The following RABGEF1 variants were observed in gnomAD, a reference collection of about 807,000 sequenced individuals.
The protein encoded by RABGEF1 is RAB guanine nucleotide exchange factor 1, also known as rab5 GDP/GTP exchange factor.
A neutral mutation model predicts 57.3 loss-of-function variants in RABGEF1; 26 were observed. That is an observed-to-expected ratio of 0.45 (90% CI 0.33 to 0.63). The LOEUF (loss-of-function observed/expected upper bound fraction) is 0.63, where lower values mean the gene tolerates loss of function less well. RABGEF1 is among the 20% of genes least tolerant of loss of function. RABGEF1 has a pLI of 0.02. For missense variants in RABGEF1, 464 were observed against 607.6 expected, an observed-to-expected ratio of 0.76 and a Z score of 2.48; for synonymous variants, 185 against 210.7, an observed-to-expected ratio of 0.88 and a Z score of 1.06.
chr7:66,725,855 T>A lies in RABGEF1; in HGVS notation c.-815+13631T>A, dbSNP rs1796523808. ...AGTTACACCCATGCTTTGGAAAGTC[T>A]AATCTGAGGGGGACGTGGACCCTTC... On this transcript the variant is annotated intron_variant and NMD_transcript_variant, in intron 2 of 9. Transcript: ENST00000607882. Among the ~76,000 whole-genome samples the A allele has an allele frequency of 2.6e-5, 4 of 152,182 alleles. No individual in the cohort carries two copies. The South Asian group carries it at 8.3e-4, about 31-fold the overall frequency.
At chr7:66,657,606 A>G in the RABGEF1 span, among the ~76,000 whole-genome samples, 1 of 152,338 alleles carries the variant, frequency 6.6e-6, no homozygotes, top group African/African-American at 2.4e-5. Context: ...GGATCCCCTG[A>G]GGTCAGGAGT....
At chr7:66,785,763 A>G (rs980245775) in intron 4 of RABGEF1, among the ~76,000 whole-genome samples, 11 of 152,122 alleles carry the variant, frequency 7.2e-5, no homozygotes, top group African/African-American at 2.4e-4. Context: ...AGTCCCAGCT[A>G]CTTGGGAGGC....
At chr7:66,665,831 C>T in the RABGEF1 span, among the ~76,000 whole-genome samples, 1 of 152,122 alleles carries the variant, frequency 6.6e-6, no homozygotes, top group Non-Finnish European at 1.5e-5. Flanking sequence ...GGTTCAGACA[C>T]GGTCTCAGTT....
intron 3 of RABGEF1, among the ~76,000 whole-genome samples, chr7:66,775,964 G>A (rs1276834677): frequency 1.3e-5 from 2 of 152,190 alleles, no homozygotes; most frequent in African/African-American, 4.8e-5. Flanking sequence ...TATTCACCCT[G>A]CTTTTTAAAA....
intron 1 of RABGEF1, among the ~76,000 whole-genome samples, chr7:66,764,290 G>A (rs772707737): frequency 2.6e-5 from 4 of 152,082 alleles, no homozygotes; most frequent in Non-Finnish European, 4.4e-5. Flanking sequence ...TGTCCATTCA[G>A]ATCTTTTACC....
intron 1 of RABGEF1, among the ~76,000 whole-genome samples, chr7:66,744,397 A>C (rs1335232838): frequency 6.6e-6 from 1 of 151,348 alleles, no homozygotes; most frequent in Non-Finnish European, 1.5e-5. Context: ...AGCCGGGCGC[A>C]GTGGCTCACG....
chr7:66,778,399 TA>T (rs1328017187), intron 3 of RABGEF1, among the ~76,000 whole-genome samples: 1 of 152,212 alleles, frequency 6.6e-6, no homozygotes, highest in African/African-American at 2.4e-5. Flanking sequence ...AAGACTCAGT[TA>T]AAGTGTTTTA....
intron 2 of RABGEF1, among the ~76,000 whole-genome samples, chr7:66,721,439 G>A (rs2117517843): frequency 6.6e-6 from 1 of 152,258 alleles, no homozygotes; most frequent in Non-Finnish European, 1.5e-5. Context: ...TGGGGGAGAT[G>A]CTTGCCTTTT....
chr7:66,729,359 A>C (rs1797036053), intron 2 of RABGEF1, among the ~76,000 whole-genome samples: 2 of 2,014 alleles, frequency 9.9e-4, no homozygotes, highest in Non-Finnish European at 1.1e-3. Context: ...CCTCACTTCA[A>C]TCTTCCCTTC....
intron 2 of RABGEF1, among the ~76,000 whole-genome samples, chr7:66,717,191 T>C (rs1416459589): frequency 2.0e-5 from 3 of 152,354 alleles, no homozygotes; most frequent in South Asian, 2.1e-4. Context: ...TATATCTCTT[T>C]GTGTAGTGTT....
At chr7:66,712,325 T>C (rs932170596) in intron 2 of RABGEF1, 6 of 152,254 alleles carry the variant, frequency 3.9e-5, no homozygotes, top group Admixed American at 3.3e-4. Context: ...TTTATACCTA[T>C]GTACTTCGTT....
chr7:66,758,230 G>T (rs1379428769), intron 1 of RABGEF1, among the ~76,000 whole-genome samples: 5 of 152,152 alleles, frequency 3.3e-5, no homozygotes, highest in Admixed American at 6.5e-5. Flanking sequence ...TTTCTGAGAC[G>T]AAACTGGTTT....
At chr7:66,715,138 C>G (rs980085225) in intron 2 of RABGEF1, among the ~76,000 whole-genome samples, 1 of 151,732 alleles carries the variant, frequency 6.6e-6, no homozygotes, top group Non-Finnish European at 1.5e-5. Flanking sequence ...CTTCTTTCTT[C>G]TTCTCCTGAG....
At chr7:66,678,645 A>G (rs1024543727), upstream of RABGEF1, among the ~76,000 whole-genome samples, 23 of 152,008 alleles carry the variant, frequency 1.5e-4, no homozygotes, top group Admixed American at 5.9e-4. Flanking sequence ...CAATGTGGCA[A>G]TGTGGAAACT....
the RABGEF1 span, chr7:66,669,224 T>G: frequency 6.6e-6 from 1 of 152,442 alleles, no homozygotes; most frequent in African/African-American, 2.4e-5. Context: ...GGTCATGTTT[T>G]TCTAGGAGCT....
intron 2 of RABGEF1, among the ~76,000 whole-genome samples, chr7:66,729,098 G>A (rs1165877156): frequency 6.6e-6 from 1 of 151,722 alleles, no homozygotes; most frequent in Non-Finnish European, 1.5e-5. Flanking sequence ...CTACAGGTGC[G>A]TGCGACCATG....
At position 66,783,784 on chromosome 7, in the gene RABGEF1, A is replaced by G. The variant is rs1279401136; in HGVS notation, c.456A>G (p.Thr152=). The G allele has an allele frequency of 1.2e-6, 2 of 1,613,604 alleles. No individual in the cohort carries two copies. The highest frequency in any genetic ancestry group is 1.7e-6 in the Non-Finnish European group (2 of 1,179,614). The change falls in exon 4 of 9, where the codon ACA becomes ACG. Residue 152 remains threonine, a synonymous_variant. Transcript: ENST00000284957. ...FIEFLKTFHK[T]GQEIYKQTKL... is the part of the protein sequence containing the mutation. ...AATTTCTCAAGACCTTCCACAAGAC[A>G]GGCCAAGAAATCTATAAACAGACCA...
At chr7:66,753,735 C>G (rs1480766549) in intron 1 of RABGEF1, among the ~76,000 whole-genome samples, 2 of 104,874 alleles carry the variant, frequency 1.9e-5, no homozygotes, top group African/African-American at 7.0e-5. Flanking sequence ...GAGACAGAGT[C>G]TCACACTGTC....
At chr7:66,699,062 G>C (rs569159442) in intron 1 of RABGEF1, among the ~76,000 whole-genome samples, 1 of 152,172 alleles carries the variant, frequency 6.6e-6, no homozygotes, top group South Asian at 2.1e-4. Context: ...ATGGAGGAGC[G>C]GGGAGATATC....
Sources: allele counts gnomAD v4.1 joint callset (sites outside exome capture counted in the v4.1 genomes callset), GRCh38; gene constraint gnomAD v4.1.1; transcripts MANE v1.5; gene names NCBI Gene and HGNC (gene_info 2026-07-23, HGNC 2026-07-21).